Variants in RGS3 observed in about 807,000 individuals in gnomAD.
The protein encoded by RGS3 is regulator of G-protein signalling 3.
In RGS3, 80 loss-of-function variants were observed where a neutral mutation model predicts 132.6. The observed-to-expected ratio is 0.60, with a 90% CI of 0.50 to 0.73. RGS3 has a LOEUF of 0.73. Among genes scored for constraint, RGS3 ranks in the 30% least tolerant of loss-of-function variants. The probability of loss-of-function intolerance (pLI) is 0.00; values close to 1 mark genes in which losing one functional copy is unlikely to be tolerated. For synonymous variants in RGS3, 598 were observed against 620.6 expected, an observed-to-expected ratio of 0.96 and a Z score of 0.54; for missense variants, 1,382 against 1,530.8, an observed-to-expected ratio of 0.90 and a Z score of 1.62.
chr9:113,486,946 A>T (rs1461945412), intron 7 of RGS3, among the ~76,000 whole-genome samples: 2 of 151,988 alleles, frequency 1.3e-5, no homozygotes, highest in African/African-American at 4.8e-5. Flanking sequence ...CATGCTGGGG[A>T]TGCATGCATA....
intron 1 of RGS3, among the ~76,000 whole-genome samples, chr9:113,447,848 CTTTTT>C (rs1350413411): frequency 7.7e-6 from 1 of 129,484 alleles, no homozygotes. Context: ...TACCCCTAGT[CTTTTT>C]TTTTTTTTTT....
At chr9:113,594,084 G>A in intron 21 of RGS3, 3 of 1,612,984 alleles carry the variant, frequency 1.9e-6, no homozygotes, top group Non-Finnish European at 2.5e-6. Context: ...CCATTTCCTG[G>A]CTCCTCCTGT....
chr9:113,591,279 T>C lies in RGS3; in HGVS notation c.3016-54T>C. 1 of 1,513,810 alleles carries C rather than the reference T, an allele frequency of 6.6e-7. No homozygotes were observed. The highest frequency in any genetic ancestry group is 1.4e-5 in the African/African-American group (1 of 72,900). The allele number at this position is 1,513,810 out of a possible 1,614,324, so 93.8% of individuals were successfully genotyped here. ...TTGGGTCTCTGAGCCTCTGTTTACT[T>C]AGGCAGGAGTTCCTGGGTGCCCAGA... On this transcript the variant is annotated intron_variant, in intron 20 of 24. Transcript: ENST00000350696. This position sits in a 1 kb window ranked among gnomAD's most constrained non-coding sequence, Gnocchi z 4.4.
At chr9:113,486,620 C>T (rs1830341840) in intron 7 of RGS3, among the ~76,000 whole-genome samples, 1 of 152,184 alleles carries the variant, frequency 6.6e-6, no homozygotes, top group South Asian at 2.1e-4. Context: ...CCTAAGGAAT[C>T]TGGGATACCC....
At chr9:113,588,193 C>T (rs1050521011) in intron 20 of RGS3, among the ~76,000 whole-genome samples, 2 of 152,236 alleles carry the variant, frequency 1.3e-5, no homozygotes, top group Admixed American at 6.5e-5. Flanking sequence ...TTTCACTAAG[C>T]TCCCACGTAG....
intron 6 of RGS3, among the ~76,000 whole-genome samples, 190 bp from the exon 5 acceptor site, chr9:113,485,435 T>G (rs561295674): frequency 6.6e-6 from 1 of 152,338 alleles, no homozygotes; most frequent in South Asian, 2.1e-4. Flanking sequence ...CTCCTTTTTG[T>G]CCTTAACAAC....
intron 4 of RGS3, among the ~76,000 whole-genome samples, chr9:113,480,478 A>G (rs931322854): frequency 6.6e-6 from 1 of 151,358 alleles, no homozygotes; most frequent in Non-Finnish European, 1.5e-5. Flanking sequence ...AAAAAAAAAA[A>G]GAAAACCATA....
chr9:113,573,605 C>T (rs1168161727), intron 19 of RGS3, among the ~76,000 whole-genome samples: 1 of 152,234 alleles, frequency 6.6e-6, no homozygotes, highest in African/African-American at 2.4e-5. Context: ...TTTGATTAAC[C>T]TAGCAGAAAA....
chr9:113,475,920 AT>A (rs1160171285), intron 3 of RGS3, among the ~76,000 whole-genome samples: 7 of 150,992 alleles, frequency 4.6e-5, no homozygotes, highest in Non-Finnish European at 7.4e-5. Context: ...GCTGCCCTCT[AT>A]TTTTTTTCTT....
chr9:113,541,272 C>G, intron 19 of RGS3: 2 of 1,589,524 alleles, frequency 1.3e-6, no homozygotes, highest in South Asian at 1.2e-5. Flanking sequence ...TCAGGCAGCC[C>G]GGCCTGAGTA....
chr9:113,522,179 A>G (rs1333421606), intron 16 of RGS3: 1 of 152,254 alleles, frequency 6.6e-6, no homozygotes, highest in Non-Finnish European at 1.5e-5. Flanking sequence ...CATGAAAAAG[A>G]TAAAAGTGAT....
chr9:113,534,845 G>A (rs1448803856), intron 18 of RGS3, among the ~76,000 whole-genome samples: 1 of 152,000 alleles, frequency 6.6e-6, no homozygotes, highest in South Asian at 2.1e-4. Flanking sequence ...TGGAACTCCT[G>A]GGCGCAAATG....
chr9:113,479,623 G>C, intron 4 of RGS3, 82 bp downstream of exon 2: 1 of 1,244,670 alleles, frequency 8.0e-7, no homozygotes, highest in Non-Finnish European at 1.2e-6. Flanking sequence ...GGGGGATGGT[G>C]GCACCATGGG....
At chr9:113,546,752 A>C (rs1287344351) in intron 19 of RGS3, among the ~76,000 whole-genome samples, 1 of 152,224 alleles carries the variant, frequency 6.6e-6, no homozygotes, top group Non-Finnish European at 1.5e-5. Flanking sequence ...TCCCATGCTG[A>C]CACTGGGGAA....
At chr9:113,483,147 G>T in intron 5 of RGS3, 30 bp downstream of exon 3, 1 of 1,489,166 alleles carries the variant, frequency 6.7e-7, no homozygotes. Flanking sequence ...ATGGAGAGTG[G>T]GATATTGAGG....
At chr9:113,583,778 T>G in exon 20 of RGS3, 1 of 1,614,094 alleles carries the variant, frequency 6.2e-7, no homozygotes, top group Non-Finnish European at 8.5e-7. Flanking sequence ...CAAGAACCCC[T>G]GCCTCACCAG....
chr9:113,597,339 C>T (rs1263850317), exon 25 of RGS3: 1 of 169,488 alleles, frequency 5.9e-6, no homozygotes, highest in Non-Finnish European at 1.3e-5. Context: ...CCTAGAGGGC[C>T]ATTGGAGCTT....
chr9:113,535,798 A>T (rs1447412325), intron 18 of RGS3, among the ~76,000 whole-genome samples: 1 of 152,096 alleles, frequency 6.6e-6, no homozygotes, highest in East Asian at 1.9e-4. Context: ...TTGGGGTTAT[A>T]ATCAAATTCT....
intron 20 of RGS3, among the ~76,000 whole-genome samples, chr9:113,586,078 T>C (rs1055513211): frequency 5.3e-5 from 8 of 152,204 alleles, no homozygotes; most frequent in Admixed American, 1.3e-4. Context: ...CCAGACCCTA[T>C]ATTTTAAACA....
Sources: gnomAD v4.1 joint callset for allele counts (sites outside exome capture counted in the v4.1 genomes callset) on GRCh38, gnomAD v4.1.1 for gene constraint, Gnocchi (gnomAD v3.1) non-coding constraint, MANE v1.5 for transcripts, NCBI Gene and HGNC (gene_info 2026-07-23, HGNC 2026-07-21) for gene names.